Variants in SLC44A5 observed in about 807,000 individuals in gnomAD.
SLC44A5 encodes the protein choline transporter-like protein 5.
SLC44A5 carries 57 observed loss-of-function variants against 101.8 expected under a neutral mutation model. The ratio of observed to expected loss-of-function variants is 0.56; its 90% CI spans 0.45 to 0.70. The LOEUF (loss-of-function observed/expected upper bound fraction) is 0.70, where lower values mean the gene tolerates loss of function less well. Ranked by LOEUF, SLC44A5 falls within the 30% of genes least tolerant of loss-of-function variation. SLC44A5 has a pLI of 0.00. For missense variants in SLC44A5, 737 were observed against 853.1 expected (o/e 0.86, Z 1.70); for synonymous variants, 281 against 290.9 (o/e 0.97, Z 0.35).
At position 75,249,125 on chromosome 1, in the gene SLC44A5, G is replaced by A. The variant is rs529535112; in HGVS notation, c.345+2085C>T. The stretch of plus-strand genomic sequence containing the variant: ...TGCCCTTGGGGACGTGGGTAGAAGT[G>A]GTCACAGAACTAAGATACCAACATC... On this transcript the variant is annotated intron_variant, in intron 7 of 23. Transcript: ENST00000370859. Among the ~76,000 whole-genome samples the A allele has an allele frequency of 8.5e-5, 13 of 152,112 alleles. No individual in the cohort carries two copies. The East Asian group carries it at 2.5e-3, about 29-fold the overall frequency.
intron 3 of SLC44A5, among the ~76,000 whole-genome samples, chr1:75,386,982 G>A (rs1179989411): frequency 6.6e-6 from 1 of 151,836 alleles, no homozygotes; most frequent in African/African-American, 2.4e-5. Context: ...TTTAATAAAT[G>A]GTGCTGGGAA....
the SLC44A5 span, among the ~76,000 whole-genome samples, chr1:75,643,491 AG>A: frequency 1.1e-4 from 16 of 152,232 alleles, no homozygotes; most frequent in African/African-American, 3.9e-4. Flanking sequence ...TTAACATGAT[AG>A]AAAAAAGATG....
At chr1:75,376,383 A>T (rs1052490381) in intron 3 of SLC44A5, among the ~76,000 whole-genome samples, 2 of 152,170 alleles carry the variant, frequency 1.3e-5, no homozygotes, top group African/African-American at 4.8e-5. Context: ...CCCTGGGGGC[A>T]GGGCACAGAC....
chr1:75,455,604 T>G (rs1384237795), intron 2 of SLC44A5, among the ~76,000 whole-genome samples: 1 of 152,094 alleles, frequency 6.6e-6, no homozygotes, highest in African/African-American at 2.4e-5. Flanking sequence ...AGAAAATATT[T>G]GCAAACTACA....
At chr1:75,460,520 T>C (rs1666440824) in intron 2 of SLC44A5, among the ~76,000 whole-genome samples, 2 of 152,270 alleles carry the variant, frequency 1.3e-5, no homozygotes, top group East Asian at 1.9e-4. Flanking sequence ...ACAAACAAAG[T>C]TGGTGTATTG....
intron 8 of SLC44A5, among the ~76,000 whole-genome samples, 154 bp downstream of exon 8, chr1:75,242,732 C>T (rs1038944070): frequency 1.1e-4 from 16 of 152,126 alleles, no homozygotes; most frequent in African/African-American, 3.6e-4. Flanking sequence ...TGTGCATGCA[C>T]ACCCAGTACA....
intron 3 of SLC44A5, among the ~76,000 whole-genome samples, 156 bp downstream of exon 3, chr1:75,396,426 AC>A (rs1022905458): frequency 6.6e-6 from 1 of 152,204 alleles, no homozygotes; most frequent in Non-Finnish European, 1.5e-5. Context: ...GGAGAAACAG[AC>A]AGTTGAAAGA....
intron 2 of SLC44A5, among the ~76,000 whole-genome samples, chr1:75,509,397 C>T (rs890383104): frequency 2.0e-5 from 3 of 152,106 alleles, no homozygotes; most frequent in Non-Finnish European, 4.4e-5. Flanking sequence ...CTAGAAGACT[C>T]AATATGTTTG....
At chr1:75,668,743 C>T in the SLC44A5 span, among the ~76,000 whole-genome samples, 1 of 151,510 alleles carries the variant, frequency 6.6e-6, no homozygotes, top group Non-Finnish European at 1.5e-5. Flanking sequence ...GCCTGCAATC[C>T]CAGCACTTTG....
intron 1 of SLC44A5, among the ~76,000 whole-genome samples, chr1:75,544,446 C>A (rs2101961821): frequency 6.6e-6 from 1 of 152,262 alleles, no homozygotes. Context: ...ATTCTTTAAC[C>A]ATACTCCTCA....
upstream of SLC44A5, among the ~76,000 whole-genome samples, chr1:75,614,947 T>C (rs1675802484): frequency 6.6e-6 from 1 of 151,936 alleles, no homozygotes; most frequent in African/African-American, 2.4e-5. Flanking sequence ...CCTCTGCGAG[T>C]CCGCGCTGCG....
the SLC44A5 span, among the ~76,000 whole-genome samples, chr1:75,681,243 C>T: frequency 2.0e-5 from 3 of 152,124 alleles, no homozygotes; most frequent in Non-Finnish European, 4.4e-5. Context: ...GGTAATCCTC[C>T]CTAACTCAGT....
intron 5 of SLC44A5, among the ~76,000 whole-genome samples, chr1:75,288,860 A>AC (rs1157136978): frequency 6.6e-6 from 1 of 152,182 alleles, no homozygotes; most frequent in Non-Finnish European, 1.5e-5. Flanking sequence ...AGGTTATATG[A>AC]CCTTCTAGCT....
At chr1:75,281,608 G>A (rs1652561514) in intron 5 of SLC44A5, among the ~76,000 whole-genome samples, 1 of 134,192 alleles carries the variant, frequency 7.5e-6, no homozygotes, top group South Asian at 2.7e-4. Context: ...AACCTAAGAG[G>A]GGAAATTGTT....
chr1:75,251,650 A>ACGG (rs1649586916), intron 6 of SLC44A5, among the ~76,000 whole-genome samples: 1 of 152,210 alleles, frequency 6.6e-6, no homozygotes, highest in African/African-American at 2.4e-5. Context: ...GTATTAACAT[A>ACGG]TGGTTTGATT....
At chr1:75,351,868 A>AAAAAAAAG (rs1553165361) in intron 3 of SLC44A5, among the ~76,000 whole-genome samples, 3 of 58,528 alleles carry the variant, frequency 5.1e-5, no homozygotes, top group African/African-American at 5.9e-5. Flanking sequence ...AAAAAAAAAA[A>AAAAAAAAG]AGAGAGAGAG....
chr1:75,627,500 G>A, the SLC44A5 span, among the ~76,000 whole-genome samples: 46 of 152,062 alleles, frequency 3.0e-4, no homozygotes, highest in Admixed American at 5.9e-4. Flanking sequence ...GCAACATAGC[G>A]AGACCTTGTC....
At chr1:75,666,032 T>C in the SLC44A5 span, among the ~76,000 whole-genome samples, 1 of 152,152 alleles carries the variant, frequency 6.6e-6, no homozygotes, top group South Asian at 2.1e-4. Flanking sequence ...GGAGTATTAA[T>C]TGCTTCAGCC....
Position 75,236,931 on chromosome 1 carries a change from A to G in SLC44A5, c.740+56T>C. On this transcript the variant is annotated intron_variant, in intron 11 of 23. Coordinates refer to ENST00000370859, the MANE Select transcript of SLC44A5 (RefSeq NM_001130058.2). The stretch of plus-strand genomic sequence containing the variant: ...ATATAAAATTTGAAGAAAGAGTTCT[A>G]CAAAGATAAAATCAGAATGGGGCTG... 4.2e-6 allele frequency: 4 copies of G among 949,126 alleles called. No homozygotes were observed. The East Asian group carries it at 9.9e-5, about 24-fold the overall frequency. The allele number at this position is 949,126 out of a possible 1,614,324, so 58.8% of individuals were successfully genotyped here.
Sources: gnomAD v4.1 joint callset for allele counts (sites outside exome capture counted in the v4.1 genomes callset) on GRCh38, gnomAD v4.1.1 for gene constraint, MANE v1.5 for transcripts, NCBI Gene and HGNC (gene_info 2026-07-23, HGNC 2026-07-21) for gene names.